SLFN12L: variants seen among roughly 807,000 people sequenced by gnomAD.
SLFN12L encodes the protein schlafen family member 12-like.
Under a neutral mutation model 34.8 loss-of-function variants are expected in SLFN12L, and 34 were observed. The observed-to-expected ratio is 0.98, with a 90% CI of 0.74 to 1.30. The LOEUF is 1.30. Among genes scored for constraint, SLFN12L ranks in the 50% most tolerant of loss-of-function variants. SLFN12L has a pLI of 0.00. For missense variants in SLFN12L, 703 were observed against 696.2 expected, an observed-to-expected ratio of 1.01 and a Z score of -0.11; for synonymous variants, 259 against 247.5, an observed-to-expected ratio of 1.05 and a Z score of -0.44.
rs1355995987 is a variant in SLFN12L at position 35,479,656 on chromosome 17, GC to G, written c.625del (p.Ala209ProfsTer30). On this transcript the variant is annotated frameshift_variant, in exon 3 of 5. Coordinates refer to ENST00000628453, the MANE Select transcript of SLFN12L (RefSeq NM_001363830.2). LOFTEE classifies it high-confidence loss of function. ...ACTTTCTTCTTGTACATCAACACAGGCCCTTTTTGCAGGGAATTCTGGTCTT... is the reference window on the plus strand; with the variant it reads ...ACTTTCTTCTTGTACATCAACACAGGCCTTTTTGCAGGGAATTCTGGTCTT... ...YLRPEFPAKR[A>X]CVDVQEESNM... The G allele has an allele frequency of 1.9e-6, 3 of 1,611,066 alleles. No homozygotes were observed. The highest frequency in any genetic ancestry group is 8.5e-7 in the Non-Finnish European group (1 of 1,178,418).
In SLFN12L at chr17:35,465,907, C is replaced by T. The variant is rs1212291115; in HGVS notation, c.*9016G>A. 6.6e-6 allele frequency among the ~76,000 whole-genome samples: 1 copy of T among 151,868 alleles called. No individual in the cohort carries two copies. The highest frequency in any genetic ancestry group is 1.9e-4 in the East Asian group (1 of 5,190). ...TAGTTTGCCTCCATTGCTGAAGAGA[C>T]ACAATATACCTCTTGCAGGCTACAC... is the stretch of plus-strand genomic sequence containing the variant. On this transcript the variant is annotated 3_prime_UTR_variant, in exon 5 of 5. Coordinates refer to ENST00000628453, the MANE Select transcript of SLFN12L (RefSeq NM_001363830.2).
chr17:35,487,135 AC>A (rs1254318567), intron 2 of SLFN12L, among the ~76,000 whole-genome samples: 1 of 151,900 alleles, frequency 6.6e-6, no homozygotes, highest in African/African-American at 2.4e-5. Flanking sequence ...AGGGTGGGCA[AC>A]CCCCATCCGA....
At chr17:35,509,642 A>G (rs1178835543) in intron 2 of SLFN12L, among the ~76,000 whole-genome samples, 1 of 152,160 alleles carries the variant, frequency 6.6e-6, no homozygotes, top group African/African-American at 2.4e-5. Context: ...TGTAGAACGC[A>G]TAATTAAAAC....
intron 2 of SLFN12L, among the ~76,000 whole-genome samples, chr17:35,505,554 C>A (rs1019038319): frequency 6.6e-6 from 1 of 152,200 alleles, no homozygotes; most frequent in African/African-American, 2.4e-5. Context: ...ATGTGAAAAT[C>A]CCCGCATAAC....
intron 1 of SLFN12L, among the ~76,000 whole-genome samples, chr17:35,528,663 C>T (rs1441092082): frequency 6.6e-6 from 1 of 152,120 alleles, no homozygotes; most frequent in African/African-American, 2.4e-5. Context: ...AAAGTGGACC[C>T]CTTCCTTATG....
intron 2 of SLFN12L, chr17:35,515,209 G>A (rs8077662): frequency 0.059 from 34,030 of 575,690 alleles, 1,883 homozygotes; most frequent in African/African-American, 0.19. Flanking sequence ...AACGCTGAGT[G>A]TGGACTGCGG....
intron 2 of SLFN12L, among the ~76,000 whole-genome samples, chr17:35,504,375 A>T (rs550369225): frequency 1.3e-5 from 2 of 152,322 alleles, no homozygotes; most frequent in Admixed American, 6.5e-5. Flanking sequence ...AATTTCCTAA[A>T]ATCATACATT....
At chr17:35,504,588 G>A (rs1360797064) in intron 2 of SLFN12L, among the ~76,000 whole-genome samples, 1 of 152,152 alleles carries the variant, frequency 6.6e-6, no homozygotes, top group East Asian at 1.9e-4. Context: ...CAGTCGACCA[G>A]GCATGGGCTG....
At chr17:35,503,209 T>G (rs748032717) in intron 2 of SLFN12L, among the ~76,000 whole-genome samples, 2 of 152,204 alleles carry the variant, frequency 1.3e-5, no homozygotes, top group Non-Finnish European at 2.9e-5. Context: ...TTTAAAGGTT[T>G]AAGCAAGTTT....
At chr17:35,520,649 G>T (rs758782967) in intron 2 of SLFN12L, among the ~76,000 whole-genome samples, 3 of 152,004 alleles carry the variant, frequency 2.0e-5, no homozygotes, top group Admixed American at 6.6e-5. Flanking sequence ...GGAGGTTGAG[G>T]CAGGAGAATT....
At chr17:35,494,267 G>A (rs1014717048) in intron 2 of SLFN12L, among the ~76,000 whole-genome samples, 3 of 151,702 alleles carry the variant, frequency 2.0e-5, no homozygotes, top group African/African-American at 7.3e-5. Context: ...GATGGATTTT[G>A]TAAACAGATT....
chr17:35,513,199 A>G (rs1322315440), intron 2 of SLFN12L, among the ~76,000 whole-genome samples: 1 of 152,184 alleles, frequency 6.6e-6, no homozygotes, highest in Non-Finnish European at 1.5e-5. Flanking sequence ...AGGGATAAGG[A>G]TGGCAAACCC....
At chr17:35,503,311 A>G (rs1389109741) in intron 2 of SLFN12L, among the ~76,000 whole-genome samples, 1 of 152,232 alleles carries the variant, frequency 6.6e-6, no homozygotes, top group Non-Finnish European at 1.5e-5. Flanking sequence ...TGGACATTAA[A>G]GTAAAAACAC....
chr17:35,481,542 G>A (rs1176364374), intron 2 of SLFN12L, among the ~76,000 whole-genome samples: 1 of 152,238 alleles, frequency 6.6e-6, no homozygotes, highest in Non-Finnish European at 1.5e-5. Context: ...AAACAGGGAA[G>A]GGCCCCCTGT....
chr17:35,535,684 C>A (rs1336438473), intron 1 of SLFN12L, among the ~76,000 whole-genome samples: 1 of 151,928 alleles, frequency 6.6e-6, no homozygotes, highest in Non-Finnish European at 1.5e-5. Flanking sequence ...GAGATGGATT[C>A]TTGCTCTGCC....
At position 35,479,533 on chromosome 17, in the gene SLFN12L, T is replaced by C; in HGVS notation, c.749A>G (p.Asn250Ser). 1 of 1,614,174 alleles carries C rather than the reference T, an allele frequency of 6.2e-7. No homozygotes were observed. Among genetic ancestry groups the C allele is most frequent in the Non-Finnish European group, 8.5e-7 (1 of 1,180,026 alleles). Reference protein sequence around the residue: ...FTESTHVEIKNFSTEKLLQRI... With the variant: ...FTESTHVEIKSFSTEKLLQRI... The stretch of plus-strand genomic sequence containing the variant: ...TTGTAACAACTTTTCAGTCGAGAAG[T>C]TTTTTATTTCAACGTGTGTGGATTC... The change falls in exon 3 of 5, where the codon AAC becomes AGC. Residue 250 changes from asparagine (N) to serine (S), a missense_variant. Transcript: ENST00000628453.
chr17:35,521,222 T>C (rs1915985895), intron 2 of SLFN12L, among the ~76,000 whole-genome samples: 1 of 152,068 alleles, frequency 6.6e-6, no homozygotes, highest in African/African-American at 2.4e-5. Flanking sequence ...CTAAATGTCA[T>C]ATGGCATCCT....
chr17:35,509,019 T>G (rs1330620065), intron 2 of SLFN12L, among the ~76,000 whole-genome samples: 5 of 152,082 alleles, frequency 3.3e-5, no homozygotes, highest in Admixed American at 2.6e-4. Flanking sequence ...ATCTGAAGAC[T>G]CAAAAGTGAG....
At position 35,478,059 on chromosome 17, in the gene SLFN12L, G is replaced by C. The variant is rs1051237795; in HGVS notation, c.1276+16C>G. The stretch of plus-strand genomic sequence containing the variant: ...CAGTTACACCAACAACTCCACGGAA[G>C]CCAGAATTAAATTACCTGGAAGGTG... On this transcript the variant is annotated intron_variant, in intron 4 of 4. Transcript: ENST00000628453. 3.4e-5 allele frequency: 50 copies of C among 1,482,288 alleles called. No individual in the cohort carries two copies. The Admixed American group carries it at 9.9e-4, about 29-fold the overall frequency. The allele number at this position is 1,482,288 out of a possible 1,614,324, so 91.8% of individuals were successfully genotyped here. A position where few individuals can be genotyped will look rare whatever the true frequency, so the allele number is the denominator to read the frequency against.
Sources: gnomAD v4.1 joint callset for allele counts (sites outside exome capture counted in the v4.1 genomes callset) on GRCh38, gnomAD v4.1.1 for gene constraint, MANE v1.5 for transcripts, NCBI Gene and HGNC (gene_info 2026-07-23, HGNC 2026-07-21) for gene names.